The following ERCC6L2 variants were observed in gnomAD, a reference collection of about 807,000 sequenced individuals.
The protein encoded by ERCC6L2 is DNA excision repair protein ERCC-6-like 2.
ERCC6L2 carries 77 observed loss-of-function variants against 132.0 expected under a neutral mutation model. That is an observed-to-expected ratio of 0.58 (90% CI 0.49 to 0.71). ERCC6L2 has a LOEUF of 0.71. Ranked by LOEUF, ERCC6L2 falls within the 30% of genes least tolerant of loss-of-function variation. The probability of loss-of-function intolerance (pLI) is 0.00; values close to 1 mark genes in which losing one functional copy is unlikely to be tolerated. For synonymous variants in ERCC6L2, 583 were observed against 632.4 expected (o/e 0.92, Z 1.17); for missense variants, 1,542 against 1,837.6 (o/e 0.84, Z 2.94).
At chr9:95,965,375 G>C (rs749642583) in intron 13 of ERCC6L2, among the ~76,000 whole-genome samples, 9 of 152,140 alleles carry the variant, frequency 5.9e-5, no homozygotes, top group Admixed American at 2.0e-4. Flanking sequence ...AGGATTAAAT[G>C]AGAGTATGGA....
chr9:95,897,816 T>C, intron 2 of ERCC6L2, 33 bp from the exon 3 acceptor site: 2 of 1,610,542 alleles, frequency 1.2e-6, no homozygotes, highest in Non-Finnish European at 1.7e-6. Context: ...TGATACATTA[T>C]ACACAGTGAT....
chr9:96,033,224 G>T (rs1458708802), intron 19 of ERCC6L2, among the ~76,000 whole-genome samples: 1 of 151,206 alleles, frequency 6.6e-6, no homozygotes, highest in Non-Finnish European at 1.5e-5. Context: ...TGAGAGGATT[G>T]CAGGAAACCA....
intron 13 of ERCC6L2, among the ~76,000 whole-genome samples, chr9:95,961,382 C>T (rs1292288481): frequency 1.3e-5 from 2 of 152,126 alleles, no homozygotes; most frequent in South Asian, 2.1e-4. Flanking sequence ...CAGCAACTAC[C>T]AGAAGCTAGA....
Position 95,922,304 on chromosome 9 carries a change from G to T in ERCC6L2, c.1300-1G>T. 1 of 1,574,262 alleles carries T rather than the reference G, an allele frequency of 6.4e-7. No individual in the cohort carries two copies. The highest frequency in any genetic ancestry group is 1.1e-5 in the South Asian group (1 of 89,798). The stretch of plus-strand genomic sequence containing the variant: ...TATTTTCTATATTTTTCTGGTTACA[G>T]ACCAATTCTCATGGTGAAACAGTGA... On this transcript the variant is annotated splice_acceptor_variant, in intron 7 of 18. Coordinates refer to ENST00000653738, the MANE Select transcript of ERCC6L2 (RefSeq NM_020207.7). LOFTEE classifies it high-confidence loss of function.
chr9:95,903,277 T>C lies in ERCC6L2; in HGVS notation c.595-3801T>C, dbSNP rs72758436. Among the ~76,000 whole-genome samples the C allele has an allele frequency of 2.2e-3, 336 of 152,214 alleles. 1 individual carries two copies. The highest frequency in any genetic ancestry group is 3.8e-3 in the Non-Finnish European group (256 of 67,914). On this transcript the variant is annotated intron_variant, in intron 3 of 18. Coordinates refer to ENST00000653738, the MANE Select transcript of ERCC6L2 (RefSeq NM_020207.7). Reference sequence around the variant, plus strand: ...TGGTGTAAAATTAAACTCATTTCTATTTCTAGACGTATTATTCTGTCCTAA... The same window carrying C: ...TGGTGTAAAATTAAACTCATTTCTACTTCTAGACGTATTATTCTGTCCTAA...
chr9:96,028,329 C>T (rs1036649389), intron 19 of ERCC6L2, among the ~76,000 whole-genome samples: 1 of 152,196 alleles, frequency 6.6e-6, no homozygotes, highest in African/African-American at 2.4e-5. Context: ...GTAGATGCCC[C>T]ATGAGAAAAG....
chr9:95,914,148 C>T (rs892211533), intron 4 of ERCC6L2, among the ~76,000 whole-genome samples: 6 of 152,200 alleles, frequency 3.9e-5, no homozygotes, highest in African/African-American at 1.2e-4. Flanking sequence ...CTTACCAACA[C>T]TTGATATTGT....
At chr9:95,957,407 C>A (rs1314184560) in intron 13 of ERCC6L2, among the ~76,000 whole-genome samples, 1 of 124,332 alleles carries the variant, frequency 8.0e-6, no homozygotes, top group Non-Finnish European at 1.6e-5. Flanking sequence ...ATAAACAGTT[C>A]ATTTTTTTTT....
intron 5 of ERCC6L2, 125 bp downstream of exon 5, chr9:95,915,954 C>G (rs1829565164): frequency 1.0e-6 from 1 of 974,238 alleles, no homozygotes; most frequent in Non-Finnish European, 1.5e-6. Flanking sequence ...GTGTTTGATC[C>G]CAGATGTGGT....
At position 95,998,005 on chromosome 9, in the gene ERCC6L2, T is replaced by C. The variant is rs111594317; in HGVS notation, c.3493-6515T>C. ...CACCAAAATGTTTATAAAGTAGATA[T>C]TGTTTTTCAAAAGACAAGAATATTC... is the stretch of plus-strand genomic sequence containing the variant. On this transcript the variant is annotated intron_variant, in intron 17 of 18. Transcript: ENST00000653738. 7.6e-3 allele frequency among the ~76,000 whole-genome samples: 1,156 copies of C among 152,350 alleles called. 23 individuals carry two copies. Among genetic ancestry groups the C allele is most frequent in the African/African-American group, 0.027 (1,123 of 41,576 alleles).
chr9:95,897,114 C>T (rs1263871703), intron 2 of ERCC6L2, among the ~76,000 whole-genome samples: 1 of 151,878 alleles, frequency 6.6e-6, no homozygotes, highest in African/African-American at 2.4e-5. Context: ...CATATGGATA[C>T]CTCATATACC....
At chr9:95,927,993 TAAAG>T in intron 9 of ERCC6L2, 82 bp from the exon 10 acceptor site, 2 of 881,904 alleles carry the variant, frequency 2.3e-6, no homozygotes, top group Non-Finnish European at 3.7e-6. Context: ...AAAATAATTT[TAAAG>T]AAATTCTCAA....
intron 1 of ERCC6L2, among the ~76,000 whole-genome samples, chr9:95,880,551 C>G (rs960345481): frequency 6.6e-6 from 1 of 152,166 alleles, no homozygotes; most frequent in East Asian, 1.9e-4. Context: ...ACCAGATGCC[C>G]GTGACCCCTA....
intron 17 of ERCC6L2, among the ~76,000 whole-genome samples, chr9:96,001,877 C>T (rs1484579719): frequency 2.0e-5 from 3 of 152,346 alleles, no homozygotes; most frequent in Middle Eastern, 3.4e-3. Context: ...GGAAGGCAGC[C>T]AAGGCCCGGC....
At chr9:96,025,298 CA>C (rs1188670858) in intron 19 of ERCC6L2, among the ~76,000 whole-genome samples, 1 of 152,198 alleles carries the variant, frequency 6.6e-6, no homozygotes, top group Non-Finnish European at 1.5e-5. Flanking sequence ...CAGGCTGCAT[CA>C]TGGGAGTGCA....
At chr9:95,890,459 C>T (rs1564196950) in intron 2 of ERCC6L2, among the ~76,000 whole-genome samples, 1 of 152,104 alleles carries the variant, frequency 6.6e-6, no homozygotes, top group Non-Finnish European at 1.5e-5. Context: ...GGTCAGACAC[C>T]AAAGTCTTTG....
intron 12 of ERCC6L2, among the ~76,000 whole-genome samples, chr9:95,946,807 C>A (rs1831085810): frequency 6.6e-6 from 1 of 152,142 alleles, no homozygotes; most frequent in East Asian, 1.9e-4. Context: ...TTCAGATTTT[C>A]ATTATCACAT....
intron 11 of ERCC6L2, among the ~76,000 whole-genome samples, chr9:95,940,373 TC>T (rs1314124770): frequency 1.3e-5 from 2 of 152,150 alleles, no homozygotes; most frequent in East Asian, 3.9e-4. Flanking sequence ...TCTGTGACTT[TC>T]GGCATTACCA....
chr9:95,971,863 A>T lies in ERCC6L2; in HGVS notation c.2182-70A>T, dbSNP rs1832428316. ...TACCTAAATTACCTGCCCAAAGTTGAGTACTTTTCAGTTGATTCCACATTA... is the reference window on the plus strand; with the variant it reads ...TACCTAAATTACCTGCCCAAAGTTGTGTACTTTTCAGTTGATTCCACATTA... On this transcript the variant is annotated intron_variant, in intron 15 of 18. Coordinates refer to ENST00000653738, the MANE Select transcript of ERCC6L2 (RefSeq NM_020207.7). The T allele has an allele frequency of 3.9e-6, 4 of 1,033,866 alleles. No individual in the cohort carries two copies. The East Asian group carries it at 1.8e-4, about 48-fold the overall frequency. The allele number at this position is 1,033,866 out of a possible 1,614,324, so 64.0% of individuals were successfully genotyped here. A position where few individuals can be genotyped will look rare whatever the true frequency, so the allele number is the denominator to read the frequency against.
Sources: allele counts gnomAD v4.1 joint callset (sites outside exome capture counted in the v4.1 genomes callset), GRCh38; gene constraint gnomAD v4.1.1; transcripts MANE v1.5; gene names NCBI Gene and HGNC (gene_info 2026-07-23, HGNC 2026-07-21).